Variants in GLTP observed in about 807,000 individuals in gnomAD.
The protein encoded by GLTP is glycolipid transfer protein.
In GLTP, 22 loss-of-function variants were observed where a neutral mutation model predicts 24.0. The ratio of observed to expected loss-of-function variants is 0.92; its 90% confidence interval spans 0.65 to 1.31. GLTP has a LOEUF of 1.31. Among genes scored for constraint, GLTP ranks in the 50% most tolerant of loss-of-function variants. GLTP has a pLI of 0.00. For synonymous variants in GLTP, 92 were observed against 115.9 expected, an observed-to-expected ratio of 0.79 and a Z score of 1.33; for missense variants, 224 against 276.6, an observed-to-expected ratio of 0.81 and a Z score of 1.35.
At chr12:109,862,742 TC>T (rs1868405765) in intron 1 of GLTP, among the ~76,000 whole-genome samples, 1 of 151,228 alleles carries the variant, frequency 6.6e-6, no homozygotes, top group Non-Finnish European at 1.5e-5. Context: ...AGAGTGAGAC[TC>T]CATCTCTAAA....
chr12:109,856,026 G>A (rs1016906518), intron 3 of GLTP, among the ~76,000 whole-genome samples: 1 of 151,920 alleles, frequency 6.6e-6, no homozygotes, highest in Non-Finnish European at 1.5e-5. Context: ...TAAGATCCAC[G>A]AGGGGTGGGT....
intron 1 of GLTP, among the ~76,000 whole-genome samples, chr12:109,864,421 G>GT (rs1366625763): frequency 1.3e-5 from 2 of 152,188 alleles, no homozygotes. Context: ...CAGCTCTGGT[G>GT]TGAGTTTGGC....
At chr12:109,853,822 A>C (rs897670972) in intron 4 of GLTP, among the ~76,000 whole-genome samples, 2 of 151,398 alleles carry the variant, frequency 1.3e-5, no homozygotes, top group African/African-American at 4.8e-5. Context: ...GGTTCACTGC[A>C]ACCTCCGCTT....
At chr12:109,867,455 TTA>T (rs2136046970) in intron 1 of GLTP, among the ~76,000 whole-genome samples, 1 of 152,192 alleles carries the variant, frequency 6.6e-6, no homozygotes, top group South Asian at 2.1e-4. Context: ...AGCCAAATTC[TTA>T]TAGATACTTA....
intron 1 of GLTP, among the ~76,000 whole-genome samples, chr12:109,862,067 T>G (rs1868379971): frequency 6.6e-6 from 1 of 152,190 alleles, no homozygotes; most frequent in South Asian, 2.1e-4. Flanking sequence ...TCTCGGCAAC[T>G]GAGCCTCTTT....
chr12:109,857,704 A>G lies in GLTP; in HGVS notation c.163-45T>C, dbSNP rs758563872. 8 of 1,611,484 alleles carry G rather than the reference A, an allele frequency of 5.0e-6. No individual in the cohort carries two copies. The highest frequency in any genetic ancestry group is 6.8e-6 in the Non-Finnish European group (8 of 1,177,678). On this transcript the variant is annotated intron_variant, in intron 2 of 4. Transcript: ENST00000318348. The surrounding 1 kb of genome is among the most constrained non-coding windows in gnomAD (Gnocchi z 4.3). Reference sequence around the variant, plus strand: ...ATTTCCCCTTGGGTAAGCTGCCCCCATAGACATCTGGCCCGCACGCTGGGT... The same window carrying G: ...ATTTCCCCTTGGGTAAGCTGCCCCCGTAGACATCTGGCCCGCACGCTGGGT...
chr12:109,854,943 T>C (rs906535989), intron 4 of GLTP, among the ~76,000 whole-genome samples: 3 of 151,958 alleles, frequency 2.0e-5, no homozygotes, highest in East Asian at 3.9e-4. Context: ...GCCGCCAGGG[T>C]GGGCAGGCAG....
intron 1 of GLTP, among the ~76,000 whole-genome samples, chr12:109,873,179 C>T (rs1223557050): frequency 6.6e-6 from 1 of 150,740 alleles, no homozygotes; most frequent in Non-Finnish European, 1.5e-5. Context: ...TTAGCATTAA[C>T]TTTAAATTTA....
intron 1 of GLTP, among the ~76,000 whole-genome samples, chr12:109,874,267 C>T (rs1868815231): frequency 6.6e-6 from 1 of 152,206 alleles, no homozygotes; most frequent in South Asian, 2.1e-4. Context: ...CCTAACCTCT[C>T]TGGCCTCGGT....
chr12:109,863,364 G>T (rs1868423337), intron 1 of GLTP, among the ~76,000 whole-genome samples: 1 of 152,104 alleles, frequency 6.6e-6, no homozygotes, highest in South Asian at 2.1e-4. Context: ...TTACACCTTT[G>T]TTTTTTAAAC....
chr12:109,876,596 GGAAGGGAA>G (rs1189798109), intron 1 of GLTP, among the ~76,000 whole-genome samples: 3 of 141,894 alleles, frequency 2.1e-5, no homozygotes, highest in Non-Finnish European at 3.0e-5. Flanking sequence ...GAGGAAGAGA[GGAAGGGAA>G]GAAGGGAGGA....
At chr12:109,871,068 C>T (rs1868704227) in intron 1 of GLTP, among the ~76,000 whole-genome samples, 1 of 150,692 alleles carries the variant, frequency 6.6e-6, no homozygotes, top group African/African-American at 2.4e-5. Flanking sequence ...GACTAGGACC[C>T]AACATTTCCA....
At chr12:109,858,599 G>T in intron 2 of GLTP, 84 bp downstream of exon 2, 1 of 980,146 alleles carries the variant, frequency 1.0e-6, no homozygotes, top group Non-Finnish European at 1.7e-6. Context: ...GAAGCTTGCA[G>T]CTGGGACCAT....
chr12:109,871,140 G>C (rs1353141148), intron 1 of GLTP, among the ~76,000 whole-genome samples: 2 of 141,792 alleles, frequency 1.4e-5, no homozygotes, highest in African/African-American at 5.3e-5. Context: ...GGCTGGAGTA[G>C]TGGCGTGATC....
chr12:109,853,829 G>A (rs186225193), intron 4 of GLTP, among the ~76,000 whole-genome samples: 7 of 151,478 alleles, frequency 4.6e-5, no homozygotes, highest in African/African-American at 9.7e-5. Flanking sequence ...TGCAACCTCC[G>A]CTTACTGGGT....
rs1188898978 is a variant in GLTP, at chr12:109,880,461, C to A, written c.-87G>T. ...CGGCCGCCGCCGTCAGCGCCGGGGC[C>A]GTCACAGCCGCCCGCCGCAGGCTCC... On this transcript the variant is annotated 5_prime_UTR_variant, in exon 1 of 5. Coordinates refer to ENST00000318348, the MANE Select transcript of GLTP (RefSeq NM_016433.4). This position sits in a 1 kb window ranked among gnomAD's most constrained non-coding sequence, Gnocchi z 5.1. The A allele has an allele frequency of 5.1e-6, 2 of 393,062 alleles. No homozygotes were observed. Among genetic ancestry groups the A allele is most frequent in the Non-Finnish European group, 7.9e-6 (2 of 252,790 alleles). The allele number at this position is 393,062 out of a possible 1,614,324, so 24.3% of individuals were successfully genotyped here.
chr12:109,854,476 C>CT (rs1292165816), intron 4 of GLTP, among the ~76,000 whole-genome samples: 1 of 151,766 alleles, frequency 6.6e-6, no homozygotes, highest in Non-Finnish European at 1.5e-5. Context: ...CACAATGACT[C>CT]TTTGAGTAGT....
At chr12:109,877,351 G>C (rs1057003909) in intron 1 of GLTP, among the ~76,000 whole-genome samples, 1 of 152,158 alleles carries the variant, frequency 6.6e-6, no homozygotes, top group Non-Finnish European at 1.5e-5. Context: ...ATTTGTATTT[G>C]CTCAGTTTTC....
Position 109,857,230 on chromosome 12 carries a change from T to C in GLTP, c.296+296A>G, listed in dbSNP as rs753068633. On this transcript the variant is annotated intron_variant, in intron 3 of 4. Transcript: ENST00000318348. This position sits in a 1 kb window ranked among gnomAD's most constrained non-coding sequence, Gnocchi z 4.3. ...AGCGCCAGCTGCCTCCTCTGTGAGA[T>C]GCGAATAGCTACCACACTTAACTCA... Among the ~76,000 whole-genome samples, 1 of 152,144 alleles carries C rather than the reference T, an allele frequency of 6.6e-6. No homozygotes were observed. Among genetic ancestry groups the C allele is most frequent in the African/African-American group, 2.4e-5 (1 of 41,430 alleles).
Sources: allele counts gnomAD v4.1 joint callset (sites outside exome capture counted in the v4.1 genomes callset), GRCh38; gene constraint gnomAD v4.1.1; non-coding constraint Gnocchi (gnomAD v3.1); transcripts MANE v1.5; gene names NCBI Gene and HGNC (gene_info 2026-07-23, HGNC 2026-07-21).